The following TMEM132C variants were observed in gnomAD, a reference collection of about 807,000 sequenced individuals.
TMEM132C encodes the protein protein phosphatase 1, regulatory subunit 152.
In TMEM132C, 29 loss-of-function variants were observed where a neutral mutation model predicts 61.4. The ratio of observed to expected loss-of-function variants is 0.47; its 90% CI spans 0.35 to 0.64. The LOEUF (loss-of-function observed/expected upper bound fraction) is 0.64. Ranked by LOEUF, TMEM132C falls within the 30% of genes least tolerant of loss-of-function variation. The probability of loss-of-function intolerance (pLI) is 0.00; values close to 1 mark genes in which losing one functional copy is unlikely to be tolerated. For missense variants in TMEM132C, 1,408 were observed against 1,476.9 expected (o/e 0.95, Z 0.76); for synonymous variants, 656 against 633.1 (o/e 1.04, Z -0.54).
intron 8 of TMEM132C, 132 bp from the exon 9 acceptor site, chr12:128,704,958 C>T (rs1954825833): frequency 1.0e-6 from 1 of 973,372 alleles, no homozygotes; most frequent in South Asian, 1.9e-5. Flanking sequence ...TATGATTTCT[C>T]CCCAGATGCA....
chr12:128,693,769 A>G (rs981244499), intron 5 of TMEM132C, 60 bp from the exon 6 acceptor site: 1 of 1,528,400 alleles, frequency 6.5e-7, no homozygotes, highest in African/African-American at 1.4e-5. Context: ...AAACAAAAAA[A>G]GGATTGTCTC....
chr12:128,658,567 T>G (rs2135618484), intron 4 of TMEM132C, among the ~76,000 whole-genome samples: 1 of 152,314 alleles, frequency 6.6e-6, no homozygotes, highest in East Asian at 1.9e-4. Context: ...ATGGTAATGT[T>G]ATCTGCTATG....
At chr12:128,396,264 A>C (rs1272901021) in intron 1 of TMEM132C, among the ~76,000 whole-genome samples, 1 of 152,176 alleles carries the variant, frequency 6.6e-6, no homozygotes, top group East Asian at 1.9e-4. Flanking sequence ...CAGTACATGT[A>C]GTTCTCCTTT....
At chr12:128,518,198 A>C (rs1429208130) in intron 2 of TMEM132C, among the ~76,000 whole-genome samples, 2 of 152,198 alleles carry the variant, frequency 1.3e-5, no homozygotes, top group East Asian at 3.8e-4. Flanking sequence ...TGGGCCACTG[A>C]TTTATTTGTG....
chr12:128,320,740 A>G (rs544027688), intron 1 of TMEM132C, among the ~76,000 whole-genome samples: 1 of 152,124 alleles, frequency 6.6e-6, no homozygotes, highest in Admixed American at 6.5e-5. Context: ...AGATCACACC[A>G]GTGTACTCCA....
chr12:128,491,366 T>G, intron 2 of TMEM132C, among the ~76,000 whole-genome samples: 1 of 152,130 alleles, frequency 6.6e-6, no homozygotes, highest in Non-Finnish European at 1.5e-5. Context: ...GTCCATGAAT[T>G]TTGCTTCCGG....
chr12:128,547,826 G>C (rs919486436), intron 3 of TMEM132C, among the ~76,000 whole-genome samples: 1 of 152,110 alleles, frequency 6.6e-6, no homozygotes, highest in Non-Finnish European at 1.5e-5. Flanking sequence ...AAGGTTTTAC[G>C]ACCCCCTGCC....
At chr12:128,515,589 T>C (rs896861903) in intron 2 of TMEM132C, among the ~76,000 whole-genome samples, 1 of 152,180 alleles carries the variant, frequency 6.6e-6, no homozygotes, top group Non-Finnish European at 1.5e-5. Flanking sequence ...ATCCCAGCAC[T>C]TTGGGAGGCC....
chr12:128,682,436 G>A (rs1258399402), intron 5 of TMEM132C, among the ~76,000 whole-genome samples: 2 of 152,192 alleles, frequency 1.3e-5, no homozygotes, highest in Admixed American at 6.5e-5. Context: ...AATGGTTCCC[G>A]ATCTAGCCGA....
In TMEM132C at chr12:128,616,145, C is replaced by G; in HGVS notation, c.1122-7C>G. The G allele has an allele frequency of 6.4e-7, 1 of 1,550,398 alleles. No homozygotes were observed. Among genetic ancestry groups the G allele is most frequent in the Admixed American group, 2.0e-5 (1 of 50,818 alleles). ...GGCTTAAAGCCAGTTTCTTTTCTCTCTTCCAGGAGCAGCAGTTTATTCAAT... is the reference window on the plus strand; with the variant it reads ...GGCTTAAAGCCAGTTTCTTTTCTCTGTTCCAGGAGCAGCAGTTTATTCAAT... On this transcript the variant is annotated splice_region_variant and splice_polypyrimidine_tract_variant and intron_variant, in intron 3 of 8. Transcript: ENST00000435159.
At chr12:128,591,977 G>A (rs977036726) in intron 3 of TMEM132C, among the ~76,000 whole-genome samples, 3 of 149,336 alleles carry the variant, frequency 2.0e-5, no homozygotes, top group Non-Finnish European at 3.0e-5. Context: ...GCTTGAACCC[G>A]AGAGGCGGAT....
chr12:128,317,465 GC>G (rs1176978300), intron 1 of TMEM132C, among the ~76,000 whole-genome samples: 2 of 152,190 alleles, frequency 1.3e-5, no homozygotes, highest in Non-Finnish European at 2.9e-5. Flanking sequence ...AAACAAACCC[GC>G]CCACAAACAA....
chr12:128,659,537 CTCTGTGGACG>C (rs1954363622), intron 4 of TMEM132C, among the ~76,000 whole-genome samples: 1 of 152,238 alleles, frequency 6.6e-6, no homozygotes, highest in Non-Finnish European at 1.5e-5. Context: ...ACACCCTGAG[CTCTGTGGACG>C]TCTGTACGTG....
chr12:128,432,654 G>A lies in TMEM132C; in HGVS notation c.974+17034G>A, dbSNP rs115553162. ...AAATGAAGAATGACTTCTTGCAGAT[G>A]AGCAAAGAAAGTGTTTTCTGAGATA... On this transcript the variant is annotated intron_variant, in intron 2 of 8. Transcript: ENST00000435159. Among the ~76,000 whole-genome samples, 329 of 152,316 alleles carry A rather than the reference G, an allele frequency of 2.2e-3. 2 individuals carry two copies. The highest frequency in any genetic ancestry group is 7.4e-3 in the African/African-American group (306 of 41,568).
At chr12:128,646,288 G>A (rs1329847031) in intron 4 of TMEM132C, among the ~76,000 whole-genome samples, 1 of 152,152 alleles carries the variant, frequency 6.6e-6, no homozygotes, top group African/African-American at 2.4e-5. Flanking sequence ...CAATATGAGT[G>A]TGTTCACTGG....
chr12:128,548,922 G>T (rs1047380307), intron 3 of TMEM132C, among the ~76,000 whole-genome samples: 1 of 152,174 alleles, frequency 6.6e-6, no homozygotes, highest in Non-Finnish European at 1.5e-5. Context: ...CGCATAGGTT[G>T]TATGCTACTA....
intron 1 of TMEM132C, among the ~76,000 whole-genome samples, chr12:128,325,024 T>A (rs1159175956): frequency 6.6e-6 from 1 of 152,140 alleles, no homozygotes; most frequent in African/African-American, 2.4e-5. Flanking sequence ...TCTATATAAA[T>A]TCCTAAAAGT....
intron 2 of TMEM132C, among the ~76,000 whole-genome samples, chr12:128,490,004 C>G (rs1174276280): frequency 6.6e-6 from 1 of 152,136 alleles, no homozygotes; most frequent in Non-Finnish European, 1.5e-5. Context: ...AAGCCACAGG[C>G]TTAGAGTCTA....
At chr12:128,333,265 T>A (rs764884479) in intron 1 of TMEM132C, among the ~76,000 whole-genome samples, 6 of 151,724 alleles carry the variant, frequency 4.0e-5, no homozygotes, top group Non-Finnish European at 7.4e-5. Flanking sequence ...GTTGCATGTG[T>A]TGTGTTTACA....
Sources: allele counts gnomAD v4.1 joint callset (sites outside exome capture counted in the v4.1 genomes callset), GRCh38; gene constraint gnomAD v4.1.1; transcripts MANE v1.5; gene names NCBI Gene and HGNC (gene_info 2026-07-23, HGNC 2026-07-21).